Variants in CACNA2D1 observed in about 807,000 individuals in gnomAD.
CACNA2D1 encodes the protein voltage-dependent calcium channel subunit alpha-2/delta-1.
In CACNA2D1, 53 loss-of-function variants were observed where a neutral mutation model predicts 171.5. The ratio of observed to expected loss-of-function variants is 0.31; its 90% CI spans 0.25 to 0.39. The LOEUF (loss-of-function observed/expected upper bound fraction) is 0.39, where lower values mean the gene tolerates loss of function less well. Among genes scored for constraint, CACNA2D1 ranks in the 10% least tolerant of loss-of-function variants. The pLI, the probability that CACNA2D1 is intolerant of heterozygous loss-of-function variation, is 1.00. For synonymous variants in CACNA2D1, 442 were observed against 443.1 expected (o/e 1.00, Z 0.03); for missense variants, 903 against 1,299.8 (o/e 0.69, Z 4.69).
chr7:82,315,181 A>T (rs536989538), intron 3 of CACNA2D1, among the ~76,000 whole-genome samples: 1 of 152,176 alleles, frequency 6.6e-6, no homozygotes, highest in Non-Finnish European at 1.5e-5. Flanking sequence ...TGTCTCTTAA[A>T]GTTGTATCAA....
At position 81,950,107 on chromosome 7, in the gene CACNA2D1, C is replaced by G; in HGVS notation, c.*285G>C. On this transcript the variant is annotated 3_prime_UTR_variant, in exon 39 of 39. Coordinates refer to ENST00000356860, the MANE Select transcript of CACNA2D1 (RefSeq NM_000722.4). ...GAACCCTTTCACATGTAATCACCAA[C>G]AATGCAACAACAAACTCCCAAATTT... 1 of 433,958 alleles carries G rather than the reference C, an allele frequency of 2.3e-6. No individual in the cohort carries two copies. The highest frequency in any genetic ancestry group is 3.4e-5 in the South Asian group (1 of 29,330). The allele number at this position is 433,958 out of a possible 1,614,324, so 26.9% of individuals were successfully genotyped here.
chr7:82,030,956 T>G (rs183349835), intron 12 of CACNA2D1, among the ~76,000 whole-genome samples: 1 of 151,972 alleles, frequency 6.6e-6, no homozygotes, highest in East Asian at 1.9e-4. Flanking sequence ...CCCCCAGTTA[T>G]ATTTTATAAT....
chr7:82,113,644 G>T (rs1245243672), intron 6 of CACNA2D1, among the ~76,000 whole-genome samples: 2 of 152,120 alleles, frequency 1.3e-5, no homozygotes, highest in African/African-American at 4.8e-5. Flanking sequence ...AATGAAAAAG[G>T]CTGTTTCCTT....
At chr7:82,142,924 C>T (rs1036995979) in intron 4 of CACNA2D1, among the ~76,000 whole-genome samples, 2 of 152,122 alleles carry the variant, frequency 1.3e-5, no homozygotes, top group African/African-American at 4.8e-5. Flanking sequence ...TTTGACTTAG[C>T]AACCACTGCT....
chr7:82,111,304 A>G (rs1340849689), intron 6 of CACNA2D1, among the ~76,000 whole-genome samples: 1 of 134,844 alleles, frequency 7.4e-6, no homozygotes, highest in African/African-American at 2.8e-5. Flanking sequence ...ATATATATAT[A>G]TATATATATA....
At chr7:82,117,467 T>C (rs1402368117) in intron 5 of CACNA2D1, among the ~76,000 whole-genome samples, 16 of 152,144 alleles carry the variant, frequency 1.1e-4, no homozygotes, top group Admixed American at 1.0e-3. Context: ...TCCACACATA[T>C]AATACTTATT....
chr7:82,207,018 T>G (rs890320911), intron 3 of CACNA2D1, among the ~76,000 whole-genome samples: 17 of 152,324 alleles, frequency 1.1e-4, no homozygotes, highest in Non-Finnish European at 2.5e-4. Flanking sequence ...CCTTTCCTGG[T>G]AGGCCAGGTG....
chr7:82,380,225 G>T (rs1351826845), intron 1 of CACNA2D1, among the ~76,000 whole-genome samples: 2 of 152,214 alleles, frequency 1.3e-5, no homozygotes, highest in East Asian at 1.9e-4. Context: ...ATTAAAGTAG[G>T]AAAATTAGTT....
intron 6 of CACNA2D1, among the ~76,000 whole-genome samples, chr7:82,088,304 T>C (rs935105749): frequency 1.3e-5 from 2 of 152,256 alleles, no homozygotes; most frequent in South Asian, 2.1e-4. Context: ...GTACAAAACG[T>C]CATTTTTTCA....
intron 4 of CACNA2D1, among the ~76,000 whole-genome samples, chr7:82,163,114 C>A (rs1376261934): frequency 6.6e-6 from 1 of 152,112 alleles, no homozygotes; most frequent in Admixed American, 6.6e-5. Flanking sequence ...TCTGGGAATA[C>A]AGTGATTTCC....
intron 30 of CACNA2D1, 138 bp from the exon 31 acceptor site, chr7:81,967,345 CAA>C (rs1203100037): frequency 6.6e-6 from 5 of 760,734 alleles, no homozygotes; most frequent in South Asian, 3.4e-5. Flanking sequence ...CTATAAGAAA[CAA>C]AAGTTTTATC....
intron 4 of CACNA2D1, among the ~76,000 whole-genome samples, chr7:82,142,163 T>A (rs1010439389): frequency 6.6e-6 from 1 of 152,202 alleles, no homozygotes; most frequent in Admixed American, 6.5e-5. Context: ...TTTTCATAAT[T>A]TAAGCGCCAC....
chr7:82,132,986 T>A (rs1370385596), intron 5 of CACNA2D1, among the ~76,000 whole-genome samples: 1 of 152,176 alleles, frequency 6.6e-6, no homozygotes, highest in East Asian at 1.9e-4. Context: ...CTGAATGATG[T>A]CACAAGGATC....
At chr7:82,095,937 C>T (rs1006047371) in intron 6 of CACNA2D1, among the ~76,000 whole-genome samples, 16 of 152,092 alleles carry the variant, frequency 1.1e-4, no homozygotes, top group Admixed American at 4.6e-4. Context: ...TTCTGAAGAG[C>T]GTGGTGTAAA....
chr7:81,993,192 G>A (rs1562835301), intron 20 of CACNA2D1, among the ~76,000 whole-genome samples: 1 of 151,956 alleles, frequency 6.6e-6, no homozygotes, highest in South Asian at 2.1e-4. Context: ...TGAAAAAAAT[G>A]TTTACAAATT....
chr7:81,980,172 C>CAAAAAAAAAAAAAAAAAAAAAAAAAA (rs35616922), intron 24 of CACNA2D1, among the ~76,000 whole-genome samples: 1 of 25,250 alleles, frequency 4.0e-5, no homozygotes, highest in African/African-American at 1.5e-4. Context: ...TAAAACCAAG[C>CAAAAAAAAAAAAAAAAAAAAAAAAAA]AAAAAAAAAA....
intron 1 of CACNA2D1, among the ~76,000 whole-genome samples, chr7:82,401,747 T>C (rs1826451326): frequency 6.6e-6 from 1 of 152,070 alleles, no homozygotes; most frequent in South Asian, 2.1e-4. Context: ...AAATAAGACA[T>C]TCATTTATTC....
At position 82,352,772 on chromosome 7, in the gene CACNA2D1, A is replaced by G. The variant is rs539226335; in HGVS notation, c.96-3123T>C. Among the ~76,000 whole-genome samples the G allele has an allele frequency of 2.6e-5, 4 of 152,302 alleles. No individual in the cohort carries two copies. In the South Asian group the frequency reaches 8.3e-4, roughly 32 times the overall value. On this transcript the variant is annotated intron_variant, in intron 1 of 38. Coordinates refer to ENST00000356860, the MANE Select transcript of CACNA2D1 (RefSeq NM_000722.4). ...AAGTCATATTTGAAAGACAAGTGGA[A>G]CTTGACAAAATTGAGCAGAGAGGGA...
chr7:82,217,412 T>C (rs1356295164), intron 3 of CACNA2D1, among the ~76,000 whole-genome samples: 3 of 77,374 alleles, frequency 3.9e-5, no homozygotes, highest in South Asian at 9.6e-4. Context: ...TATATATATA[T>C]ATATATATAT....
Sources: gnomAD v4.1 joint callset for allele counts (sites outside exome capture counted in the v4.1 genomes callset) on GRCh38, gnomAD v4.1.1 for gene constraint, MANE v1.5 for transcripts, NCBI Gene and HGNC (gene_info 2026-07-23, HGNC 2026-07-21) for gene names.